Variants in SORD observed in about 807,000 individuals in gnomAD.
SORD encodes sorbitol dehydrogenase.
Under a neutral mutation model 35.6 loss-of-function variants are expected in SORD, and 18 were observed. The observed-to-expected ratio is 0.51, with a 90% confidence interval of 0.35 to 0.75. The LOEUF is 0.75. SORD is among the 30% of genes least tolerant of loss of function. SORD has a pLI of 0.01. For missense variants in SORD, 250 were observed against 390.2 expected, an observed-to-expected ratio of 0.64 and a Z score of 3.03; for synonymous variants, 106 against 152.9, an observed-to-expected ratio of 0.69 and a Z score of 2.26.
rs532074880 is a variant in SORD at position 45,029,679 on chromosome 15, G to A, written c.66+6330G>A. 6.0e-4 allele frequency among the ~76,000 whole-genome samples: 92 copies of A among 152,382 alleles called. 5 individuals are homozygous for A. The South Asian group carries it at 0.019, about 31-fold the overall frequency. On this transcript the variant is annotated intron_variant, in intron 1 of 8. Transcript: ENST00000267814. Reference sequence around the variant, plus strand: ...GTTTGACAGCCTTTTCTGGGTACCTGTACTTGGTGGGCCCTGAGCTCTTGT... The same window carrying A: ...GTTTGACAGCCTTTTCTGGGTACCTATACTTGGTGGGCCCTGAGCTCTTGT...
At chr15:45,035,231 G>T (rs1457032715) in intron 1 of SORD, among the ~76,000 whole-genome samples, 2 of 152,186 alleles carry the variant, frequency 1.3e-5, no homozygotes, top group Non-Finnish European at 2.9e-5. Flanking sequence ...CGCACGGTGC[G>T]GGACTGGCAA....
In SORD at chr15:45,061,209, TGCA is replaced by T. The variant is rs1467185293; in HGVS notation, c.411_413del (p.Ala138del). 2 of 1,614,222 alleles carry T rather than the reference TGCA, an allele frequency of 1.2e-6. No homozygotes were observed. The highest frequency in any genetic ancestry group is 4.5e-5 in the East Asian group (2 of 44,888). ...ACCTCTGCCGGTTCTATAAGCACAA[TGCA>T]GCCTTTTGTTACAAGTTAGTGTCCA... On this transcript the variant is annotated inframe_deletion, in exon 4 of 9. Coordinates refer to ENST00000267814, the MANE Select transcript of SORD (RefSeq NM_003104.6).
intron 1 of SORD, among the ~76,000 whole-genome samples, chr15:45,029,953 A>C (rs1725221591): frequency 1.3e-5 from 2 of 152,250 alleles, no homozygotes; most frequent in African/African-American, 4.8e-5. Flanking sequence ...GTGAGTATGC[A>C]AAAAAGGTTA....
At chr15:45,028,053 C>T (rs1019853017) in intron 1 of SORD, among the ~76,000 whole-genome samples, 12 of 152,244 alleles carry the variant, frequency 7.9e-5, no homozygotes, top group African/African-American at 2.7e-4. Flanking sequence ...CAGCCAGGCA[C>T]GGTGGCTCAT....
chr15:45,064,250 T>C (rs1406479633), intron 4 of SORD, among the ~76,000 whole-genome samples: 2 of 152,108 alleles, frequency 1.3e-5, no homozygotes, highest in Non-Finnish European at 2.9e-5. Context: ...AGGCAGAGGA[T>C]GTGGAATCAG....
At chr15:45,023,698 G>A (rs1468416828) in intron 1 of SORD, among the ~76,000 whole-genome samples, 1 of 152,226 alleles carries the variant, frequency 6.6e-6, no homozygotes, top group African/African-American at 2.4e-5. Flanking sequence ...AAATGCTAAG[G>A]CTGTCTGAAT....
chr15:45,057,930 C>G lies in SORD; in HGVS notation c.266-3137C>G, dbSNP rs551493980. ...GCCTATCATTGGGGGACAAAAAGGT[C>G]CTTACTAGGTGAAAATTTAGACTGA... On this transcript the variant is annotated intron_variant, in intron 3 of 8. Coordinates refer to ENST00000267814, the MANE Select transcript of SORD (RefSeq NM_003104.6). Among the ~76,000 whole-genome samples the G allele has an allele frequency of 5.9e-5, 9 of 152,294 alleles. No homozygotes were observed. The East Asian group carries it at 1.7e-3, about 29-fold the overall frequency.
intron 8 of SORD, 44 bp from the exon 9 acceptor site, chr15:45,073,321 C>T (rs547441968): frequency 1.2e-5 from 13 of 1,069,646 alleles, no homozygotes; most frequent in Non-Finnish European, 1.7e-5. Flanking sequence ...GCACCTGGCT[C>T]TTTCCTCTTG....
At chr15:45,057,419 A>G (rs1893235335) in intron 3 of SORD, among the ~76,000 whole-genome samples, 1 of 152,260 alleles carries the variant, frequency 6.6e-6, no homozygotes, top group Admixed American at 6.5e-5. Flanking sequence ...AATTTTCATG[A>G]ACAATCCAAG....
chr15:45,039,463 T>C (rs1316994606), intron 1 of SORD, among the ~76,000 whole-genome samples: 2 of 152,308 alleles, frequency 1.3e-5, no homozygotes, highest in South Asian at 2.1e-4. Flanking sequence ...AAGAATAAAA[T>C]GAACACTTGG....
chr15:45,071,181 T>C (rs1467665182), intron 7 of SORD, among the ~76,000 whole-genome samples: 1 of 152,198 alleles, frequency 6.6e-6, no homozygotes, highest in East Asian at 1.9e-4. Flanking sequence ...TCCAGGTGGT[T>C]CCAGCATTCC....
intron 1 of SORD, among the ~76,000 whole-genome samples, chr15:45,031,134 T>G (rs796331540): frequency 0.2 from 30,736 of 150,460 alleles, 6 homozygotes; most frequent in African/African-American, 0.44. Flanking sequence ...GAGACCAGCC[T>G]GGGAAAGACC....
At position 45,061,152 on chromosome 15, in the gene SORD, C is replaced by G. The variant is rs1213450996; in HGVS notation, c.351C>G (p.Ile117Met). 3 of 1,614,078 alleles carry G rather than the reference C, an allele frequency of 1.9e-6. No individual in the cohort carries two copies. Among genetic ancestry groups the G allele is most frequent in the Non-Finnish European group, 2.5e-6 (3 of 1,179,988 alleles). The change falls in exon 4 of 9, where the codon ATC (isoleucine) becomes ATG (methionine). Residue 117 changes from isoleucine to methionine, a missense_variant. Ile to Met is a conservative substitution (Grantham distance 10). Around this residue, in one of 8 missense-constraint regions of SORD, gnomAD observed 126 missense variants for 148.7 expected, o/e 0.85. Transcript: ENST00000267814. The part of the protein sequence containing the change: ...KMGRYNLSPS[I>M]FFCATPPDDG... ...GCCGATACAATCTGTCACCTTCCAT[C>G]TTCTTCTGTGCCACGCCCCCCGATG... is the stretch of plus-strand genomic sequence containing the variant.
At chr15:45,064,193 A>G (rs1391668129) in intron 4 of SORD, among the ~76,000 whole-genome samples, 1 of 151,660 alleles carries the variant, frequency 6.6e-6, no homozygotes, top group East Asian at 1.9e-4. Context: ...TTGGATATTA[A>G]TATTAGCTAC....
rs371831398 is a variant in SORD, at chr15:45,069,021, G to T, written c.755G>T (p.Gly252Val). ...CCGGAAGTCACCATCGAGTGCACGG[G>T]GGCAGAGGCCTCCATCCAGGCGGGC... ...CKPEVTIECT[G>V]AEASIQAGIY... Residue 252 changes from glycine (G) to valine (V), a missense_variant, in exon 7 of 9, where the codon GGG (glycine) becomes GTG (valine). Gly to Val is a moderately radical substitution (Grantham distance 109). Coordinates refer to ENST00000267814, the MANE Select transcript of SORD (RefSeq NM_003104.6). 3 of 1,611,604 alleles carry T rather than the reference G, an allele frequency of 1.9e-6. No homozygotes were observed. The highest frequency in any genetic ancestry group is 2.5e-6 in the Non-Finnish European group (3 of 1,179,346).
At chr15:45,054,653 G>C (rs1893184140) in intron 3 of SORD, among the ~76,000 whole-genome samples, 1 of 152,260 alleles carries the variant, frequency 6.6e-6, no homozygotes, top group Non-Finnish European at 1.5e-5. Flanking sequence ...AGTTTAATTA[G>C]ATCCCATTTG....
intron 1 of SORD, among the ~76,000 whole-genome samples, chr15:45,035,947 C>T (rs1892858698): frequency 6.6e-6 from 1 of 151,710 alleles, no homozygotes; most frequent in Non-Finnish European, 1.5e-5. Context: ...GACACGTCGC[C>T]TTTAAGAACT....
At chr15:45,032,716 C>T (rs1892805753) in intron 1 of SORD, among the ~76,000 whole-genome samples, 1 of 152,172 alleles carries the variant, frequency 6.6e-6, no homozygotes, top group East Asian at 1.9e-4. Context: ...TGGAGACCAG[C>T]TCACTGGACC....
chr15:45,035,260 C>T (rs1217301182), intron 1 of SORD, among the ~76,000 whole-genome samples: 1 of 152,136 alleles, frequency 6.6e-6, no homozygotes, highest in East Asian at 1.9e-4. Context: ...ACCTGCAGCC[C>T]CAGTGCGAGA....
Sources: allele counts gnomAD v4.1 joint callset (sites outside exome capture counted in the v4.1 genomes callset), GRCh38; gene constraint gnomAD v4.1.1; regional missense constraint gnomAD v4.1.1; transcripts MANE v1.5; gene names NCBI Gene and HGNC (gene_info 2026-07-23, HGNC 2026-07-21).